Variants in RUFY3 observed in about 807,000 individuals in gnomAD.
The protein encoded by RUFY3 is protein RUFY3.
RUFY3 carries 34 observed loss-of-function variants against 84.0 expected under a neutral mutation model. The observed-to-expected ratio is 0.40, with a 90% CI of 0.31 to 0.54. The LOEUF (loss-of-function observed/expected upper bound fraction) is 0.54, where lower values mean the gene tolerates loss of function less well. Ranked by LOEUF, RUFY3 falls within the 20% of genes least tolerant of loss-of-function variation. The probability of loss-of-function intolerance (pLI) is 0.39; values close to 1 mark genes in which losing one functional copy is unlikely to be tolerated. For synonymous variants in RUFY3, 242 were observed against 252.9 expected, an observed-to-expected ratio of 0.96 and a Z score of 0.41; for missense variants, 507 against 736.8, an observed-to-expected ratio of 0.69 and a Z score of 3.61.
intron 12 of RUFY3, chr4:70,792,553 G>A: frequency 1.0e-6 from 1 of 985,186 alleles, no homozygotes; most frequent in Non-Finnish European, 1.2e-6. Context: ...CTTTACATAA[G>A]CCTTCATTCC....
chr4:70,741,625 A>G, intron 1 of RUFY3: 1 of 1,519,314 alleles, frequency 6.6e-7, no homozygotes, highest in Non-Finnish European at 8.8e-7. Flanking sequence ...CCGTTTGCAA[A>G]GACTCTTGGG....
At chr4:70,800,885 TAAAA>T (rs888986570) in intron 15 of RUFY3, among the ~76,000 whole-genome samples, 9 of 148,974 alleles carry the variant, frequency 6.0e-5, no homozygotes, top group African/African-American at 2.0e-4. Context: ...CTGTCTCAAA[TAAAA>T]AAAAAAGTTC....
chr4:70,705,004 G>T, exon 1 of RUFY3: 1 of 1,225,146 alleles, frequency 8.2e-7, no homozygotes, highest in Non-Finnish European at 1.0e-6. Context: ...GCGAGGGGCG[G>T]GGAGTGGCGG....
At chr4:70,784,942 G>T (rs1397898298) in intron 10 of RUFY3, 63 bp downstream of exon 10, 2 of 1,160,604 alleles carry the variant, frequency 1.7e-6, no homozygotes, top group Non-Finnish European at 2.4e-6. Context: ...CCACTTAGAG[G>T]TTTTATCATA....
chr4:70,748,182 G>A (rs1352237248), intron 1 of RUFY3, among the ~76,000 whole-genome samples: 1 of 152,132 alleles, frequency 6.6e-6, no homozygotes. Context: ...CAAAACTACA[G>A]TGGTTCCCAT....
At chr4:70,782,188 ATTT>A (rs1174053315) in intron 8 of RUFY3, among the ~76,000 whole-genome samples, 1 of 151,924 alleles carries the variant, frequency 6.6e-6, no homozygotes, top group Admixed American at 6.6e-5. Flanking sequence ...TTAATAAATA[ATTT>A]TTTTCTTACT....
chr4:70,774,730 G>A (rs1727636456), intron 6 of RUFY3, among the ~76,000 whole-genome samples: 1 of 137,016 alleles, frequency 7.3e-6, no homozygotes, highest in African/African-American at 2.8e-5. Context: ...ATGTTAAATA[G>A]CACTTACAGA....
chr4:70,781,718 C>A (rs978208386), intron 8 of RUFY3, among the ~76,000 whole-genome samples: 11 of 152,274 alleles, frequency 7.2e-5, no homozygotes, highest in African/African-American at 2.6e-4. Context: ...AGGCCTGCCC[C>A]CAGAAAGCAT....
intron 1 of RUFY3, among the ~76,000 whole-genome samples, chr4:70,705,954 C>T (rs1455340890): frequency 6.6e-6 from 1 of 152,176 alleles, no homozygotes; most frequent in African/African-American, 2.4e-5. Context: ...TGGAAGGCTA[C>T]CTCCCAGGGT....
rs75656641 is a variant in RUFY3 at position 70,794,692 on chromosome 4, A to C, written c.1458-103A>C. ...TCTCTCTGACAGCAAGCCCTTAACC[A>C]TTCGTAATTACTGCACTTTAAGACA... On this transcript the variant is annotated intron_variant, in intron 13 of 17. Transcript: ENST00000381006. 32 of 746,774 alleles carry C rather than the reference A, an allele frequency of 4.3e-5. No individual in the cohort carries two copies. The South Asian group carries it at 4.9e-4, about 12-fold the overall frequency. The allele number at this position is 746,774 out of a possible 1,614,324, so 46.3% of individuals were successfully genotyped here.
chr4:70,764,291 C>T (rs558777427), intron 3 of RUFY3, among the ~76,000 whole-genome samples, 184 bp from the exon 4 acceptor site: 135 of 152,242 alleles, frequency 8.9e-4, no homozygotes, highest in African/African-American at 3.1e-3. Flanking sequence ...GCATTTGTTC[C>T]GGGTCACATT....
chr4:70,794,949 G>A, intron 14 of RUFY3, 55 bp downstream of exon 14: 1 of 1,203,306 alleles, frequency 8.3e-7, no homozygotes. Context: ...AATTTTAGAG[G>A]CTACCTTGAT....
chr4:70,751,217 C>A (rs1723080240), intron 1 of RUFY3, among the ~76,000 whole-genome samples: 1 of 152,136 alleles, frequency 6.6e-6, no homozygotes, highest in South Asian at 2.1e-4. Flanking sequence ...CTGCTTCCCT[C>A]CCACCACCCT....
In RUFY3 at chr4:70,773,277, G is replaced by T. The variant is rs183589190; in HGVS notation, c.697-234G>T. Among the ~76,000 whole-genome samples the T allele has an allele frequency of 1.7e-3, 260 of 152,298 alleles. 3 individuals carry two copies. Among genetic ancestry groups the T allele is most frequent in the Non-Finnish European group, 1.2e-3 (82 of 68,020 alleles). On this transcript the variant is annotated intron_variant, in intron 5 of 17. Coordinates refer to ENST00000381006, the MANE Select transcript of RUFY3 (RefSeq NM_001037442.4). ...CCTTATTTATATTAAGTATTCTGTT[G>T]ACTGTGTTAGTTGTGATCTAGTCTT... is the stretch of plus-strand genomic sequence containing the variant.
intron 1 of RUFY3, among the ~76,000 whole-genome samples, chr4:70,715,496 G>T (rs1180517397): frequency 1.3e-5 from 2 of 150,190 alleles, no homozygotes; most frequent in Admixed American, 1.4e-4. Context: ...AGGCAGTGAG[G>T]CAGAAGAATC....
intron 1 of RUFY3, among the ~76,000 whole-genome samples, chr4:70,731,703 GACTATAAATGT>G (rs1719302885): frequency 6.6e-6 from 1 of 152,088 alleles, no homozygotes; most frequent in African/African-American, 2.4e-5. Context: ...GAGTAGCTGG[GACTATAAATGT>G]GCACCACCAT....
intron 1 of RUFY3, among the ~76,000 whole-genome samples, chr4:70,760,705 A>G (rs998933681): frequency 6.6e-6 from 1 of 152,202 alleles, no homozygotes; most frequent in Non-Finnish European, 1.5e-5. Context: ...TTGTGAGAAT[A>G]CTACCCTTGA....
chr4:70,775,020 G>T (rs533432901), intron 6 of RUFY3, 148 bp from the exon 7 acceptor site: 1 of 495,628 alleles, frequency 2.0e-6, no homozygotes, highest in African/African-American at 2.1e-5. Context: ...TGTCAAGAGG[G>T]TTTTACATCA....
intron 1 of RUFY3, among the ~76,000 whole-genome samples, chr4:70,755,209 A>T (rs989738320): frequency 6.6e-6 from 1 of 152,216 alleles, no homozygotes; most frequent in African/African-American, 2.4e-5. Flanking sequence ...GCTTTTACAC[A>T]TCTTTGAAAA....
Sources: allele counts gnomAD v4.1 joint callset (sites outside exome capture counted in the v4.1 genomes callset), GRCh38; gene constraint gnomAD v4.1.1; transcripts MANE v1.5; gene names NCBI Gene and HGNC (gene_info 2026-07-23, HGNC 2026-07-21).